Variants in CCDC171 observed in about 807,000 individuals in gnomAD.
CCDC171 encodes the protein coiled-coil domain-containing protein 171.
Under a neutral mutation model 168.2 loss-of-function variants are expected in CCDC171, and 177 were observed. The observed-to-expected ratio is 1.05, with a 90% confidence interval of 0.93 to 1.19. The LOEUF (loss-of-function observed/expected upper bound fraction) is 1.19, where lower values mean the gene tolerates loss of function less well. CCDC171 is among the 50% of genes most tolerant of loss of function. The pLI, the probability that CCDC171 is intolerant of heterozygous loss-of-function variation, is 0.00. For synonymous variants in CCDC171, 687 were observed against 540.8 expected (o/e 1.27, Z -3.75); for missense variants, 1,991 against 1,539.0 (o/e 1.29, Z -4.91).
chr9:15,780,106 A>T (rs2057582929), intron 20 of CCDC171, among the ~76,000 whole-genome samples: 1 of 152,200 alleles, frequency 6.6e-6, no homozygotes, highest in African/African-American at 2.4e-5. Context: ...TTTAGTTATT[A>T]ATCCTATGAT....
At chr9:15,700,087 A>G (rs1387047370) in intron 11 of CCDC171, among the ~76,000 whole-genome samples, 1 of 152,092 alleles carries the variant, frequency 6.6e-6, no homozygotes, top group Non-Finnish European at 1.5e-5. Flanking sequence ...GGTGCCGTGG[A>G]GCAGGGGGCA....
At chr9:15,623,469 G>GCACACACACACACA (rs1554714819) in intron 7 of CCDC171, 56 bp downstream of exon 7, 2 of 529,878 alleles carry the variant, frequency 3.8e-6, no homozygotes, top group East Asian at 4.4e-5. Flanking sequence ...ACATATGCGC[G>GCACACACACACACA]CGCGCGCACA....
At chr9:15,744,885 A>G in intron 17 of CCDC171, 108 bp downstream of exon 17, 1 of 1,005,882 alleles carries the variant, frequency 9.9e-7, no homozygotes, top group East Asian at 2.6e-5. Context: ...TAATATGCCA[A>G]ATAATATAAC....
At position 15,736,548 on chromosome 9, in the gene CCDC171, C is replaced by T. The variant is rs1220505569; in HGVS notation, c.2049+6750C>T. ...TATTTTTTAAGTAGAGACGGGGTTTCGCCCTGTTGTCCAGGCTGGCCCTGA... is the reference window on the plus strand; with the variant it reads ...TATTTTTTAAGTAGAGACGGGGTTTTGCCCTGTTGTCCAGGCTGGCCCTGA... On this transcript the variant is annotated intron_variant, in intron 16 of 25. Transcript: ENST00000380701. Among the ~76,000 whole-genome samples, 9 of 152,228 alleles carry T rather than the reference C, an allele frequency of 5.9e-5. No individual in the cohort carries two copies. The East Asian group carries it at 7.7e-4, about 13-fold the overall frequency.
intron 7 of CCDC171, among the ~76,000 whole-genome samples, chr9:15,644,127 A>G (rs1025133860): frequency 6.6e-6 from 1 of 152,150 alleles, no homozygotes; most frequent in Non-Finnish European, 1.5e-5. Context: ...TCTATGTTTA[A>G]TTTTTTGAGC....
chr9:15,961,798 T>C (rs563832294), intron 25 of CCDC171, among the ~76,000 whole-genome samples: 4 of 152,262 alleles, frequency 2.6e-5, no homozygotes, highest in African/African-American at 9.6e-5. Context: ...ACGTACTTAC[T>C]GTAGGTAATT....
At chr9:15,830,906 G>T (rs562150648) in intron 21 of CCDC171, among the ~76,000 whole-genome samples, 5 of 151,122 alleles carry the variant, frequency 3.3e-5, no homozygotes, top group Non-Finnish European at 5.9e-5. Context: ...TTATAAATGA[G>T]TTCCTTTTGG....
chr9:15,635,828 C>T (rs2046160368), intron 7 of CCDC171, among the ~76,000 whole-genome samples: 1 of 152,140 alleles, frequency 6.6e-6, no homozygotes, highest in Non-Finnish European at 1.5e-5. Flanking sequence ...TGCTGGGTCA[C>T]ATGGTAACTA....
At chr9:15,920,568 G>A (rs1825183886) in intron 25 of CCDC171, 146 bp downstream of exon 25, 1 of 611,154 alleles carries the variant, frequency 1.6e-6, no homozygotes, top group Non-Finnish European at 2.6e-6. Context: ...TATTTGTGTG[G>A]AGAAAAATTT....
chr9:16,017,352 A>T (rs12684042), intron 3 of CCDC171, among the ~76,000 whole-genome samples: 7,459 of 152,208 alleles, frequency 0.049, 396 homozygotes, highest in African/African-American at 0.12. Flanking sequence ...TCATGTAAAC[A>T]TGCCTCTGTT....
chr9:15,959,732 G>A (rs1830160803), intron 25 of CCDC171, among the ~76,000 whole-genome samples: 1 of 152,110 alleles, frequency 6.6e-6, no homozygotes, highest in Non-Finnish European at 1.5e-5. Flanking sequence ...TTATGGGCAG[G>A]CACCCAGAGA....
chr9:15,978,285 C>G (rs1339792284), downstream of CCDC171, among the ~76,000 whole-genome samples: 2 of 152,158 alleles, frequency 1.3e-5, no homozygotes, highest in African/African-American at 4.8e-5. Context: ...TCCTATGAAG[C>G]AGAGTTCTCA....
At chr9:15,639,803 A>G (rs892856018) in intron 7 of CCDC171, among the ~76,000 whole-genome samples, 2 of 152,162 alleles carry the variant, frequency 1.3e-5, no homozygotes, top group African/African-American at 4.8e-5. Flanking sequence ...GTTTATGTAA[A>G]ATAATCTAGG....
intron 3 of CCDC171, among the ~76,000 whole-genome samples, chr9:16,000,255 A>G (rs1409230232): frequency 6.6e-6 from 1 of 152,200 alleles, no homozygotes; most frequent in Non-Finnish European, 1.5e-5. Context: ...TTGTAAAACT[A>G]CAAACCCAAA....
chr9:15,851,129 A>G (rs1269424255), intron 23 of CCDC171, among the ~76,000 whole-genome samples: 1 of 151,986 alleles, frequency 6.6e-6, no homozygotes, highest in Non-Finnish European at 1.5e-5. Flanking sequence ...ACCTGAACAT[A>G]TTTGTTCTTA....
chr9:15,684,889 A>G (rs1397990350), intron 10 of CCDC171, among the ~76,000 whole-genome samples: 4 of 152,168 alleles, frequency 2.6e-5, no homozygotes, highest in South Asian at 4.1e-4. Context: ...TCCCCTGTTT[A>G]CACTGGTTGT....
intron 16 of CCDC171, among the ~76,000 whole-genome samples, chr9:15,732,721 G>T (rs2054229328): frequency 6.6e-6 from 1 of 151,890 alleles, no homozygotes; most frequent in Non-Finnish European, 1.5e-5. Flanking sequence ...TTTTAGTTTT[G>T]GCAATTATGA....
chr9:15,579,549 C>T (rs566014860), intron 4 of CCDC171, among the ~76,000 whole-genome samples: 90 of 152,258 alleles, frequency 5.9e-4, no homozygotes, highest in South Asian at 3.3e-3. Flanking sequence ...TAAAGCCTTT[C>T]TATTTACATA....
upstream of CCDC171, among the ~76,000 whole-genome samples, chr9:16,039,344 G>GT (rs778051630): frequency 2.0e-5 from 3 of 152,308 alleles, no homozygotes; most frequent in East Asian, 3.9e-4. Context: ...CTGCTGTTAT[G>GT]TAACTTGGCT....
Sources: gnomAD v4.1 joint callset for allele counts (sites outside exome capture counted in the v4.1 genomes callset) on GRCh38, gnomAD v4.1.1 for gene constraint, MANE v1.5 for transcripts, NCBI Gene and HGNC (gene_info 2026-07-23, HGNC 2026-07-21) for gene names.